The following NRXN1 variants were observed in gnomAD, a reference collection of about 807,000 sequenced individuals.
The protein encoded by NRXN1 is neurexin-1.
NRXN1 carries 39 observed loss-of-function variants against 150.9 expected under a neutral mutation model. That is an observed-to-expected ratio of 0.26 (90% CI 0.20 to 0.34). The LOEUF is 0.34. Among genes scored for constraint, NRXN1 ranks in the 10% least tolerant of loss-of-function variants. NRXN1 has a pLI of 1.00. For synonymous variants in NRXN1, 924 were observed against 757.0 expected (o/e 1.22, Z -3.62); for missense variants, 1,815 against 1,949.9 (o/e 0.93, Z 1.30).
chr2:50,269,318 G>A (rs559195520), intron 17 of NRXN1, among the ~76,000 whole-genome samples: 1 of 152,258 alleles, frequency 6.6e-6, no homozygotes, highest in East Asian at 1.9e-4. Flanking sequence ...TCCCTTTGCT[G>A]TATTGTTTCT....
Position 50,979,698 on chromosome 2 carries a change from A to T in NRXN1, c.772+47804T>A, listed in dbSNP as rs567934780. 8.5e-5 allele frequency among the ~76,000 whole-genome samples: 13 copies of T among 152,216 alleles called. No homozygotes were observed. In the South Asian group the frequency reaches 2.7e-3, roughly 32 times the overall value. On this transcript the variant is annotated intron_variant, in intron 2 of 22. Transcript: ENST00000401669. ...TTGGTCAACCTGTAAAACCCCATGG[A>T]TTCTCACTGAACACACTGTACTTTC...
At chr2:50,218,027 A>G (rs867291867) in intron 18 of NRXN1, among the ~76,000 whole-genome samples, 6 of 151,990 alleles carry the variant, frequency 3.9e-5, no homozygotes, top group Non-Finnish European at 4.4e-5. Context: ...CTCCTCTCCC[A>G]TACATACCTG....
chr2:51,001,508 G>A lies in NRXN1; in HGVS notation c.772+25994C>T, dbSNP rs547312181. Among the ~76,000 whole-genome samples, 6 of 151,884 alleles carry A rather than the reference G, an allele frequency of 4.0e-5. No homozygotes were observed. In the East Asian group the frequency reaches 1.2e-3, roughly 30 times the overall value. The stretch of plus-strand genomic sequence containing the variant: ...AAATTGTAATAAATGAATCACTTAG[G>A]CTTTGATCTCCTACACCAGTTTTAC... On this transcript the variant is annotated intron_variant, in intron 2 of 22. Transcript: ENST00000401669.
chr2:50,465,676 GTT>G (rs2088757441), intron 16 of NRXN1, 115 bp from the exon 17 acceptor site: 1 of 1,120,534 alleles, frequency 8.9e-7, no homozygotes, highest in Non-Finnish European at 1.2e-6. Context: ...GTCCAAACTA[GTT>G]TTTAAAGTTC....
chr2:50,385,101 A>G (rs569227541), intron 17 of NRXN1, among the ~76,000 whole-genome samples: 5 of 152,218 alleles, frequency 3.3e-5, no homozygotes, highest in Non-Finnish European at 4.4e-5. Context: ...AAAAATTAGC[A>G]AGCACTTTAG....
intron 5 of NRXN1, chr2:50,918,568 T>G (rs1333251861): frequency 2.7e-6 from 1 of 373,970 alleles, no homozygotes; most frequent in Non-Finnish European, 4.8e-6. Context: ...CTATTATGGC[T>G]TGATTTTCAT....
chr2:50,701,493 A>G (rs920006976), intron 5 of NRXN1, among the ~76,000 whole-genome samples: 1 of 152,206 alleles, frequency 6.6e-6, no homozygotes, highest in African/African-American at 2.4e-5. Flanking sequence ...GCCTACATAT[A>G]TACTGACACT....
At chr2:49,995,194 G>A (rs773695830) in intron 21 of NRXN1, among the ~76,000 whole-genome samples, 1 of 152,188 alleles carries the variant, frequency 6.6e-6, no homozygotes, top group Non-Finnish European at 1.5e-5. Flanking sequence ...TAAATTCTCA[G>A]TAGAGGAGAA....
rs539452416 is a variant in NRXN1 at position 50,983,914 on chromosome 2, T to C, written c.772+43588A>G. Reference sequence around the variant, plus strand: ...TAGACATTAGCTACTAACAAATATTTGCTGGCAAAAAGCTAGAGCAAACAT... The same window carrying C: ...TAGACATTAGCTACTAACAAATATTCGCTGGCAAAAAGCTAGAGCAAACAT... On this transcript the variant is annotated intron_variant, in intron 2 of 22. Transcript: ENST00000401669. Among the ~76,000 whole-genome samples, 137 of 152,070 alleles carry C rather than the reference T, an allele frequency of 9.0e-4. 1 individual carries two copies. The highest frequency in any genetic ancestry group is 9.6e-4 in the Non-Finnish European group (65 of 67,964).
intron 10 of NRXN1, among the ~76,000 whole-genome samples, chr2:50,538,041 A>G (rs1326238460): frequency 6.6e-6 from 1 of 152,222 alleles, no homozygotes; most frequent in African/African-American, 2.4e-5. Context: ...TTCCTGCAAT[A>G]TACTTAAGAA....
chr2:50,797,910 G>T (rs1432570343), intron 5 of NRXN1, among the ~76,000 whole-genome samples: 9 of 152,148 alleles, frequency 5.9e-5, no homozygotes, highest in Non-Finnish European at 1.3e-4. Context: ...TAAGCTAAAA[G>T]AACAGTTGTC....
chr2:50,323,907 C>T (rs939979725), intron 17 of NRXN1, among the ~76,000 whole-genome samples: 1 of 152,028 alleles, frequency 6.6e-6, no homozygotes, highest in African/African-American at 2.4e-5. Flanking sequence ...AAGGGGGGTA[C>T]CAACCGCCAG....
intron 19 of NRXN1, among the ~76,000 whole-genome samples, chr2:50,068,780 C>T (rs975766638): frequency 1.3e-5 from 2 of 151,956 alleles, no homozygotes; most frequent in Non-Finnish European, 1.5e-5. Context: ...ATTTTTTTTA[C>T]CCATCTGATC....
At chr2:51,017,889 C>T (rs1426565613) in intron 2 of NRXN1, among the ~76,000 whole-genome samples, 1 of 152,044 alleles carries the variant, frequency 6.6e-6, no homozygotes, top group Non-Finnish European at 1.5e-5. Flanking sequence ...TTCTTCCATA[C>T]AACAACTATA....
At chr2:50,698,356 G>T (rs1372096162) in intron 5 of NRXN1, among the ~76,000 whole-genome samples, 1 of 152,184 alleles carries the variant, frequency 6.6e-6, no homozygotes. Context: ...TATCACAAAA[G>T]ATTGCCTGCA....
At chr2:50,666,182 C>T (rs1288106011) in intron 5 of NRXN1, among the ~76,000 whole-genome samples, 1 of 151,928 alleles carries the variant, frequency 6.6e-6, no homozygotes, top group Non-Finnish European at 1.5e-5. Flanking sequence ...TGGTTTCTGT[C>T]ACTCAACATA....
chr2:50,480,441 A>G (rs554168479), intron 15 of NRXN1, among the ~76,000 whole-genome samples: 3 of 152,300 alleles, frequency 2.0e-5, no homozygotes, highest in African/African-American at 7.2e-5. Context: ...CTCCATAGGC[A>G]TATGGACACC....
At chr2:50,749,592 G>A (rs1316898927) in intron 5 of NRXN1, among the ~76,000 whole-genome samples, 1 of 152,064 alleles carries the variant, frequency 6.6e-6, no homozygotes, top group Non-Finnish European at 1.5e-5. Context: ...TGGAGAACAT[G>A]TTCATCTTTT....
chr2:50,219,894 C>T (rs13406152), intron 18 of NRXN1, among the ~76,000 whole-genome samples: 50,993 of 120,942 alleles, frequency 0.42, 11,629 homozygotes, highest in Middle Eastern at 0.47. Context: ...CATATATATA[C>T]ACACACATAT....
Sources: allele counts gnomAD v4.1 joint callset (sites outside exome capture counted in the v4.1 genomes callset), GRCh38; gene constraint gnomAD v4.1.1; transcripts MANE v1.5; gene names NCBI Gene and HGNC (gene_info 2026-07-23, HGNC 2026-07-21).